The following AGBL1 variants were observed in gnomAD, a reference collection of about 807,000 sequenced individuals.
AGBL1 encodes the protein AGBL carboxypeptidase 1, also known as cytosolic carboxypeptidase 4.
A neutral mutation model predicts 118.9 loss-of-function variants in AGBL1; 130 were observed. The observed-to-expected ratio is 1.09, with a 90% CI of 0.95 to 1.26. The LOEUF is 1.26. Among genes scored for constraint, AGBL1 ranks in the 50% most tolerant of loss-of-function variants. AGBL1 has a pLI of 0.00. For synonymous variants in AGBL1, 555 were observed against 478.9 expected (o/e 1.16, Z -2.08); for missense variants, 1,584 against 1,298.1 (o/e 1.22, Z -3.38).
intron 9 of AGBL1, among the ~76,000 whole-genome samples, chr15:86,258,307 A>G (rs956007657): frequency 1.3e-5 from 2 of 152,194 alleles, no homozygotes; most frequent in African/African-American, 2.4e-5. Flanking sequence ...GATGACCTTT[A>G]GGCACACATT....
intron 15 of AGBL1, among the ~76,000 whole-genome samples, chr15:86,273,842 G>C (rs1022338368): frequency 6.6e-6 from 1 of 152,132 alleles, no homozygotes; most frequent in African/African-American, 2.4e-5. Flanking sequence ...GTTTATAGAA[G>C]GGTGAAAGGA....
At chr15:86,758,967 AAAAAAAAAAAAAAAAAAG>A (rs1319164731) in intron 22 of AGBL1, among the ~76,000 whole-genome samples, 4 of 54,822 alleles carry the variant, frequency 7.3e-5, no homozygotes, top group Non-Finnish European at 1.3e-4. Context: ...ACACCCTGTC[AAAAAAAAAAAAAAAAAAG>A]AAAAAAAAAA....
At chr15:86,956,025 A>T (rs2080926891) in intron 23 of AGBL1, among the ~76,000 whole-genome samples, 1 of 152,138 alleles carries the variant, frequency 6.6e-6, no homozygotes, top group South Asian at 2.1e-4. Context: ...AAATAGAGCT[A>T]TACAGTTTAT....
chr15:86,801,670 A>G (rs1203437260), intron 22 of AGBL1, among the ~76,000 whole-genome samples: 1 of 152,160 alleles, frequency 6.6e-6, no homozygotes, highest in African/African-American at 2.4e-5. Context: ...AGATAACTAT[A>G]TCTAGATTCT....
intron 18 of AGBL1, among the ~76,000 whole-genome samples, chr15:86,494,241 C>A (rs1205843494): frequency 5.9e-5 from 9 of 152,028 alleles, no homozygotes; most frequent in African/African-American, 2.2e-4. Flanking sequence ...GATGTGGGGT[C>A]ATGTTTGTAA....
rs2080376755 is a variant in AGBL1 at position 86,913,305 on chromosome 15, G to C, written c.*6011G>C. 1 of 152,126 alleles carries C rather than the reference G, an allele frequency of 6.6e-6. No individual in the cohort carries two copies. Among genetic ancestry groups the C allele is most frequent in the Non-Finnish European group, 1.5e-5 (1 of 68,062 alleles). The allele number at this position is 152,126 out of a possible 1,614,324, so 9.4% of individuals were successfully genotyped here. A position where few individuals can be genotyped will look rare whatever the true frequency, so the allele number is the denominator to read the frequency against. On this transcript the variant is annotated 3_prime_UTR_variant, in exon 23 of 23. Transcript: ENST00000614907. ...ACATGACACATGTTCATACAGGTGA[G>C]GGGCAGCTGGTTGATGATTTTAGGC... is the stretch of plus-strand genomic sequence containing the variant.
At chr15:86,926,653 G>A (rs965379065) in intron 23 of AGBL1, among the ~76,000 whole-genome samples, 1 of 152,144 alleles carries the variant, frequency 6.6e-6, no homozygotes, top group African/African-American at 2.4e-5. Context: ...TTTCTTTGTT[G>A]AAGAGTTTGA....
At chr15:86,586,864 G>C (rs990090590) in intron 21 of AGBL1, among the ~76,000 whole-genome samples, 1 of 151,880 alleles carries the variant, frequency 6.6e-6, no homozygotes, top group Admixed American at 6.6e-5. Context: ...GTTAAGGGGG[G>C]GTCTGTTATT....
chr15:86,171,750 A>G (rs777640612), intron 5 of AGBL1, among the ~76,000 whole-genome samples: 3 of 152,214 alleles, frequency 2.0e-5, no homozygotes, highest in Admixed American at 2.0e-4. Context: ...TGCTGCATAT[A>G]AGAACCACAA....
intron 24 of AGBL1, among the ~76,000 whole-genome samples, chr15:87,013,762 A>C (rs2081584264): frequency 6.6e-6 from 1 of 151,752 alleles, no homozygotes; most frequent in African/African-American, 2.4e-5. Context: ...TCATTTAAAG[A>C]AGTTCACTCA....
intron 24 of AGBL1, among the ~76,000 whole-genome samples, chr15:87,004,485 G>A (rs1413176120): frequency 6.6e-6 from 1 of 152,242 alleles, no homozygotes; most frequent in East Asian, 1.9e-4. Flanking sequence ...TTTAAAGTCT[G>A]TTTTATCAGA....
At chr15:86,630,730 C>T (rs1431876275) in intron 21 of AGBL1, 2 of 152,190 alleles carry the variant, frequency 1.3e-5, no homozygotes, top group African/African-American at 4.8e-5. Flanking sequence ...CTCGAGAGGA[C>T]AACATAGCTA....
chr15:86,447,462 A>T (rs2082135760), intron 18 of AGBL1, among the ~76,000 whole-genome samples: 1 of 152,196 alleles, frequency 6.6e-6, no homozygotes, highest in Non-Finnish European at 1.5e-5. Flanking sequence ...AAGAAACTGG[A>T]TCCTTGATGT....
chr15:86,593,738 T>C (rs1391204569), intron 21 of AGBL1, among the ~76,000 whole-genome samples: 1 of 152,142 alleles, frequency 6.6e-6, no homozygotes, highest in African/African-American at 2.4e-5. Flanking sequence ...TCCAAGAAGT[T>C]CCCTCCTACT....
intron 22 of AGBL1, among the ~76,000 whole-genome samples, chr15:86,874,518 C>T (rs1399970500): frequency 2.6e-5 from 4 of 152,030 alleles, no homozygotes; most frequent in Non-Finnish European, 5.9e-5. Flanking sequence ...TGAGCAAAGG[C>T]CCTGGTTCTT....
chr15:86,655,236 C>T (rs1192599663), intron 21 of AGBL1, among the ~76,000 whole-genome samples: 2 of 152,138 alleles, frequency 1.3e-5, no homozygotes, highest in East Asian at 3.9e-4. Context: ...CCTTTTATTT[C>T]TGTTTAAATC....
intron 24 of AGBL1, among the ~76,000 whole-genome samples, chr15:87,016,027 T>C (rs2081605356): frequency 6.6e-6 from 1 of 152,214 alleles, no homozygotes; most frequent in Non-Finnish European, 1.5e-5. Flanking sequence ...AGCTAATAAA[T>C]GACTTTATTG....
intron 21 of AGBL1, among the ~76,000 whole-genome samples, chr15:86,587,090 C>T (rs1411378237): frequency 6.6e-6 from 1 of 152,170 alleles, no homozygotes; most frequent in East Asian, 1.9e-4. Flanking sequence ...AGGCTTCTCT[C>T]CTTACTGCTA....
intron 17 of AGBL1, among the ~76,000 whole-genome samples, chr15:86,304,431 G>C (rs375615088): frequency 1.3e-5 from 2 of 152,130 alleles, no homozygotes; most frequent in African/African-American, 4.8e-5. Flanking sequence ...CCCCTACTCC[G>C]AATCTCTTTA....
Sources: allele counts gnomAD v4.1 joint callset (sites outside exome capture counted in the v4.1 genomes callset), GRCh38; gene constraint gnomAD v4.1.1; transcripts MANE v1.5; gene names NCBI Gene and HGNC (gene_info 2026-07-23, HGNC 2026-07-21).